ANAPC11: variants seen among roughly 807,000 people sequenced by gnomAD.
ANAPC11 encodes anaphase promoting complex subunit 11, also known as anaphase-promoting complex subunit 11.
Under a neutral mutation model 11.8 loss-of-function variants are expected in ANAPC11, and 5 were observed. That is an observed-to-expected ratio of 0.42 (90% CI 0.22 to 0.89). The LOEUF is 0.89. ANAPC11 is among the 40% of genes least tolerant of loss of function. The pLI, the probability that ANAPC11 is intolerant of heterozygous loss-of-function variation, is 0.28. For missense variants in ANAPC11, 68 were observed against 112.9 expected, an observed-to-expected ratio of 0.60 and a Z score of 1.80; for synonymous variants, 45 against 41.0, an observed-to-expected ratio of 1.10 and a Z score of -0.38.
At chr17:81,894,743 G>A in intron 3 of ANAPC11, 157 bp downstream of exon 3, 2 of 457,888 alleles carry the variant, frequency 4.4e-6, no homozygotes, top group Non-Finnish European at 7.6e-6. Context: ...TTGAGACCGA[G>A]TTTCGATCTT....
At chr17:81,895,801 C>G (rs969567609) in intron 3 of ANAPC11, among the ~76,000 whole-genome samples, 1 of 152,184 alleles carries the variant, frequency 6.6e-6, no homozygotes, top group African/African-American at 2.4e-5. Context: ...AACGCCATCT[C>G]TACTAAAAAT....
intron 3 of ANAPC11, among the ~76,000 whole-genome samples, chr17:81,895,431 C>A (rs2039707530): frequency 6.6e-6 from 1 of 152,316 alleles, no homozygotes; most frequent in Middle Eastern, 3.4e-3. Context: ...ATATAAAGAT[C>A]CTGTCACAGA....
chr17:81,896,890 G>A (rs747790011), intron 3 of ANAPC11, among the ~76,000 whole-genome samples: 8 of 124,526 alleles, frequency 6.4e-5, no homozygotes, highest in Admixed American at 6.3e-4. Flanking sequence ...TCAGCTCACC[G>A]CAACCCCCAC....
intron 3 of ANAPC11, among the ~76,000 whole-genome samples, chr17:81,897,384 T>C (rs1363044591): frequency 6.6e-6 from 1 of 152,140 alleles, no homozygotes; most frequent in Non-Finnish European, 1.5e-5. Flanking sequence ...TCCGTCCACC[T>C]CGGCCTCCCA....
intron 3 of ANAPC11, chr17:81,899,136 T>C: frequency 8.2e-7 from 1 of 1,222,124 alleles, no homozygotes; most frequent in Non-Finnish European, 1.1e-6. Flanking sequence ...GGACTTGCTG[T>C]GCTCTGTTGG....
rs1345589204 is a variant in ANAPC11 at position 81,891,754 on chromosome 17, C to T, written c.-162C>T. 2 of 436,080 alleles carry T rather than the reference C, an allele frequency of 4.6e-6. No homozygotes were observed. Among genetic ancestry groups the T allele is most frequent in the South Asian group, 3.9e-5 (1 of 25,368 alleles). The allele number at this position is 436,080 out of a possible 1,614,324, so 27.0% of individuals were successfully genotyped here. A position where few individuals can be genotyped will look rare whatever the true frequency, so the allele number is the denominator to read the frequency against. On this transcript the variant is annotated 5_prime_UTR_variant, in exon 1 of 4. Coordinates refer to ENST00000344877, the MANE Select transcript of ANAPC11 (RefSeq NM_001002248.3). ...ACTGGCGTGCGAGACTCGGCGGGCG[C>T]TGTTGAGGGAGTCGGGCCGCGACTG...
upstream of ANAPC11, chr17:81,890,807 G>C: frequency 6.2e-7 from 1 of 1,614,118 alleles, no homozygotes; most frequent in Non-Finnish European, 8.5e-7. Context: ...CCACTTGTCG[G>C]GAAGTTGTTT....
intron 3 of ANAPC11, chr17:81,898,878 C>T (rs2143574941): frequency 3.4e-6 from 1 of 292,262 alleles, no homozygotes; most frequent in South Asian, 5.6e-5. Context: ...ACACCTTTGA[C>T]TAAACGAGGC....
chr17:81,897,564 A>T (rs888678626), intron 3 of ANAPC11, among the ~76,000 whole-genome samples: 1 of 151,772 alleles, frequency 6.6e-6, no homozygotes, highest in African/African-American at 2.4e-5. Flanking sequence ...GTAGCCTTCA[A>T]TTCCTCAGCT....
chr17:81,900,264 CT>C, downstream of ANAPC11: 1 of 764,602 alleles, frequency 1.3e-6, no homozygotes, highest in Non-Finnish European at 2.0e-6. Context: ...TGCTGGAGGC[CT>C]CTGGGTGCCT....
chr17:81,892,893 C>T (rs984053608), intron 1 of ANAPC11, among the ~76,000 whole-genome samples: 1 of 151,552 alleles, frequency 6.6e-6, no homozygotes, highest in East Asian at 1.9e-4. Context: ...GGTCTCCCTC[C>T]GTCACCCAGA....
chr17:81,897,831 A>G (rs139259052), intron 3 of ANAPC11, among the ~76,000 whole-genome samples: 3,185 of 152,126 alleles, frequency 0.021, 106 homozygotes, highest in African/African-American at 0.072. Context: ...GAGTCTCACT[A>G]TGTTTCCCAG....
At chr17:81,895,016 C>G (rs2039687211) in intron 3 of ANAPC11, among the ~76,000 whole-genome samples, 1 of 150,338 alleles carries the variant, frequency 6.7e-6, no homozygotes, top group African/African-American at 2.4e-5. Flanking sequence ...CTTTGCCTGG[C>G]CCACATTTTT....
upstream of ANAPC11, chr17:81,890,885 C>A: frequency 6.2e-7 from 1 of 1,607,572 alleles, no homozygotes; most frequent in Non-Finnish European, 8.5e-7. Flanking sequence ...CTGACCCTCA[C>A]GGCTACTCCG....
chr17:81,898,930 G>A, intron 3 of ANAPC11: 1 of 435,130 alleles, frequency 2.3e-6, no homozygotes, highest in Admixed American at 3.8e-5. Context: ...CTCTCCTCAG[G>A]GGGCTAGCAG....
intron 1 of ANAPC11, among the ~76,000 whole-genome samples, chr17:81,892,653 G>T (rs1364999537): frequency 8.0e-5 from 12 of 150,162 alleles, no homozygotes; most frequent in Admixed American, 7.3e-4. Context: ...CTCCCGAGTA[G>T]CTGGGACTAC....
chr17:81,894,403 G>A, intron 2 of ANAPC11, 64 bp from the exon 3 acceptor site: 1 of 933,612 alleles, frequency 1.1e-6, no homozygotes, highest in South Asian at 1.5e-5. Flanking sequence ...TACCTGTGTT[G>A]GTGCCTAAAC....
upstream of ANAPC11, chr17:81,891,666 C>T: frequency 8.4e-7 from 1 of 1,187,814 alleles, no homozygotes; most frequent in Non-Finnish European, 1.1e-6. Flanking sequence ...GGAGCGGCTG[C>T]TGATTGGCCG....
Position 81,899,644 on chromosome 17 carries a change from G to A in ANAPC11, c.110-276G>A. ...GAGAGGCCCCTGGGCTCCCCACTGA[G>A]CATGATGAGCCTGGGTGAGGGGAGG... is the stretch of plus-strand genomic sequence containing the variant. On this transcript the variant is annotated intron_variant, in intron 3 of 3. Transcript: ENST00000344877. 2 of 1,356,642 alleles carry A rather than the reference G, an allele frequency of 1.5e-6. 1 individual carries two copies. Among genetic ancestry groups the A allele is most frequent in the African/African-American group, 2.9e-5 (2 of 68,378 alleles). 84.0% of individuals were successfully genotyped at this position (1,356,642 alleles called of 1,614,324 possible).
Sources: gnomAD v4.1 joint callset for allele counts (sites outside exome capture counted in the v4.1 genomes callset) on GRCh38, gnomAD v4.1.1 for gene constraint, MANE v1.5 for transcripts, NCBI Gene and HGNC (gene_info 2026-07-23, HGNC 2026-07-21) for gene names.